CES5A: variants seen among roughly 807,000 people sequenced by gnomAD.
CES5A encodes carboxylesterase 5A.
A neutral mutation model predicts 62.9 loss-of-function variants in CES5A; 67 were observed. That is an observed-to-expected ratio of 1.07 (90% CI 0.88 to 1.31). The LOEUF (loss-of-function observed/expected upper bound fraction) is 1.31, where lower values mean the gene tolerates loss of function less well. Among genes scored for constraint, CES5A ranks in the 50% most tolerant of loss-of-function variants. The pLI, the probability that CES5A is intolerant of heterozygous loss-of-function variation, is 0.00. For missense variants in CES5A, 748 were observed against 708.5 expected (o/e 1.06, Z -0.63); for synonymous variants, 296 against 280.8 (o/e 1.05, Z -0.54).
chr16:55,866,241 G>A, intron 4 of CES5A, 125 bp from the exon 5 acceptor site: 1 of 794,884 alleles, frequency 1.3e-6, no homozygotes, highest in Non-Finnish European at 1.9e-6. Context: ...CAGAGGCCTG[G>A]AGGAGCTGGG....
intron 2 of CES5A, among the ~76,000 whole-genome samples, chr16:55,944,976 T>C (rs1488080690): frequency 2.0e-5 from 3 of 152,214 alleles, no homozygotes; most frequent in African/African-American, 7.2e-5. Context: ...AATCCGCCTC[T>C]GCTTCTCACT....
intron 4 of CES5A, among the ~76,000 whole-genome samples, chr16:55,868,245 G>C (rs1245968116): frequency 2.0e-5 from 3 of 152,220 alleles, no homozygotes; most frequent in African/African-American, 7.2e-5. Flanking sequence ...AGAGCAGCTA[G>C]AAGTGTAATT....
chr16:55,880,132 AACTTCAGCCC>A (rs2033746122), upstream of CES5A, among the ~76,000 whole-genome samples: 1 of 152,130 alleles, frequency 6.6e-6, no homozygotes, highest in Non-Finnish European at 1.5e-5. Context: ...CAGGTCACAA[AACTTCAGCCC>A]ACCTCGGATT....
intron 9 of CES5A, 86 bp downstream of exon 9, chr16:55,856,291 C>T (rs2033241083): frequency 8.3e-7 from 1 of 1,199,456 alleles, no homozygotes; most frequent in Non-Finnish European, 1.2e-6. Context: ...GTGTCTGTGC[C>T]CTTGGCTTCT....
chr16:55,930,209 C>A (rs764413785), upstream of CES5A, among the ~76,000 whole-genome samples: 8 of 151,890 alleles, frequency 5.3e-5, no homozygotes, highest in Non-Finnish European at 8.8e-5. Flanking sequence ...CAGAACCCCC[C>A]ACAATTCAGC....
intron 1 of CES5A, chr16:55,955,841 C>G: frequency 3.9e-6 from 6 of 1,536,016 alleles, no homozygotes; most frequent in Non-Finnish European, 5.2e-6. Context: ...GGCTAATACT[C>G]ACCTTTAGGC....
chr16:55,920,200 C>T (rs1404908994), intron 1 of CES5A, among the ~76,000 whole-genome samples: 1 of 152,142 alleles, frequency 6.6e-6, no homozygotes, highest in Non-Finnish European at 1.5e-5. Context: ...GATGCCCCTC[C>T]CCTCATTCTG....
rs548986050 is a variant in CES5A at position 55,951,827 on chromosome 16, G to A, written c.43-1925C>T. Among the ~76,000 whole-genome samples, 21 of 152,264 alleles carry A rather than the reference G, an allele frequency of 1.4e-4. No individual in the cohort carries two copies. The South Asian group carries it at 2.9e-3, about 21-fold the overall frequency. ...AAACTGAAGGATATACACAGAGAAAGTGTTAATCTACAATCATGGTAAGAG... is the reference window on the plus strand; with the variant it reads ...AAACTGAAGGATATACACAGAGAAAATGTTAATCTACAATCATGGTAAGAG... On this transcript the variant is annotated intron_variant, in intron 1 of 13. Transcript: ENST00000521992.
At chr16:55,895,288 T>C (rs1435430721) in intron 1 of CES5A, among the ~76,000 whole-genome samples, 1 of 152,176 alleles carries the variant, frequency 6.6e-6, no homozygotes, top group African/African-American at 2.4e-5. Flanking sequence ...ATGTCCACAA[T>C]AACAAATAAC....
chr16:55,851,857 T>TA (rs1236111017), intron 10 of CES5A, among the ~76,000 whole-genome samples: 1 of 152,146 alleles, frequency 6.6e-6, no homozygotes, highest in Non-Finnish European at 1.5e-5. Context: ...TAGTCAGCCT[T>TA]AAAAAAGGAG....
Position 55,909,570 on chromosome 16 carries a change from GCA to G in CES5A, c.-256+15751_-256+15752del, listed in dbSNP as rs34468527. 1.5e-3 allele frequency among the ~76,000 whole-genome samples: 227 copies of G among 149,942 alleles called. 1 individual carries two copies. The highest frequency in any genetic ancestry group is 2.3e-3 in the South Asian group (11 of 4,688). ...TGAGCATGTGAGTGCGTGCGCACGT[GCA>G]CACACACACACACACACACACACAT... is the stretch of plus-strand genomic sequence containing the variant. On this transcript the variant is annotated intron_variant, in intron 1 of 12. Coordinates refer to the CES5A transcript ENST00000518005.
chr16:55,869,746 T>A lies in CES5A; in HGVS notation c.418-2A>T. ...ACCTCCTGGGAACCACACCAAGACC[T>A]GAGGAGGGGAGAAGAGCATCCAGTC... On this transcript the variant is annotated splice_acceptor_variant, in intron 3 of 12. Coordinates refer to ENST00000290567, the MANE Select transcript of CES5A (RefSeq NM_001143685.2). LOFTEE classifies it high-confidence loss of function. The A allele has an allele frequency of 6.3e-7, 1 of 1,599,054 alleles. No individual in the cohort carries two copies. The highest frequency in any genetic ancestry group is 8.5e-7 in the Non-Finnish European group (1 of 1,171,102).
rs199808666 is a variant in CES5A, at chr16:55,846,741, A to G, written c.1496+27T>C. ...TCCTCCTCACACCCCAGGCCTTGGC[A>G]TGGGGGAGACCGGGAGGTTTACTTA... On this transcript the variant is annotated intron_variant, in intron 12 of 12. Coordinates refer to ENST00000290567, the MANE Select transcript of CES5A (RefSeq NM_001143685.2). 6.1e-4 allele frequency: 991 copies of G among 1,611,578 alleles called. 1 individual carries two copies. Among genetic ancestry groups the G allele is most frequent in the Admixed American group, 1.2e-3 (70 of 60,008 alleles).
chr16:55,945,193 C>A (rs1488804953), intron 2 of CES5A, among the ~76,000 whole-genome samples: 1 of 148,000 alleles, frequency 6.8e-6, no homozygotes, highest in African/African-American at 2.6e-5. Flanking sequence ...TGATTTAATG[C>A]CCAAATTAAT....
At chr16:55,867,645 A>G (rs543256475) in intron 4 of CES5A, among the ~76,000 whole-genome samples, 6 of 152,116 alleles carry the variant, frequency 3.9e-5, no homozygotes, top group African/African-American at 1.4e-4. Flanking sequence ...CCATTTCTCC[A>G]TCTCTGTTTA....
intron 2 of CES5A, among the ~76,000 whole-genome samples, chr16:55,939,942 C>T (rs2034429407): frequency 6.6e-6 from 1 of 150,540 alleles, no homozygotes; most frequent in Non-Finnish European, 1.5e-5. Context: ...AAAAAGAAGC[C>T]CCAAGAAATA....
At chr16:55,856,582 G>T (rs769096198) in intron 8 of CES5A, 137 bp from the exon 9 acceptor site, 7 of 695,206 alleles carry the variant, frequency 1.0e-5, no homozygotes, top group Admixed American at 9.6e-5. Context: ...ACATGTGGAA[G>T]TGGCCTCAGT....
chr16:55,950,447 C>A (rs781485374), intron 1 of CES5A, among the ~76,000 whole-genome samples: 42 of 152,206 alleles, frequency 2.8e-4, no homozygotes, highest in Non-Finnish European at 5.1e-4. Context: ...TTGGAAATTA[C>A]AAACTTGAGT....
upstream of CES5A, among the ~76,000 whole-genome samples, chr16:55,878,769 C>A (rs1224413372): frequency 1.3e-5 from 2 of 149,492 alleles, no homozygotes; most frequent in Non-Finnish European, 3.0e-5. Context: ...TGAACCCCAT[C>A]ACTGCACCTC....
Sources: gnomAD v4.1 joint callset for allele counts (sites outside exome capture counted in the v4.1 genomes callset) on GRCh38, gnomAD v4.1.1 for gene constraint, MANE v1.5 for transcripts, NCBI Gene and HGNC (gene_info 2026-07-23, HGNC 2026-07-21) for gene names.